CADM2: variants seen among roughly 807,000 people sequenced by gnomAD.
CADM2 encodes immunoglobulin superfamily member 4D.
CADM2 carries 12 observed loss-of-function variants against 49.8 expected under a neutral mutation model. That is an observed-to-expected ratio of 0.24 (90% CI 0.15 to 0.39). The LOEUF (loss-of-function observed/expected upper bound fraction) is 0.39. CADM2 is among the 10% of genes least tolerant of loss of function. The pLI is 1.00. For synonymous variants in CADM2, 214 were observed against 175.4 expected (o/e 1.22, Z -1.74); for missense variants, 378 against 492.3 (o/e 0.77, Z 2.20).
At chr3:85,209,837 T>C (rs1344097468) in intron 1 of CADM2, among the ~76,000 whole-genome samples, 1 of 152,166 alleles carries the variant, frequency 6.6e-6, no homozygotes, top group Admixed American at 6.5e-5. Context: ...CTTGTAATAA[T>C]GTTATAAAGC....
At chr3:85,323,696 C>A (rs936524229) in intron 1 of CADM2, among the ~76,000 whole-genome samples, 1 of 152,168 alleles carries the variant, frequency 6.6e-6, no homozygotes, top group Non-Finnish European at 1.5e-5. Flanking sequence ...CATATCAATT[C>A]TATTTCCAAT....
At position 85,552,849 on chromosome 3, in the gene CADM2, T is replaced by C. The variant is rs370415222; in HGVS notation, c.62-173673T>C. 2.6e-5 allele frequency among the ~76,000 whole-genome samples: 4 copies of C among 152,082 alleles called. No homozygotes were observed. In the East Asian group the frequency reaches 7.8e-4, roughly 29 times the overall value. On this transcript the variant is annotated intron_variant, in intron 1 of 9. Coordinates refer to ENST00000383699, the MANE Select transcript of CADM2 (RefSeq NM_001167675.2). Reference sequence around the variant, plus strand: ...GTGCCACCACGCCCAGCAAATTTTTTGTATTTTTAGTAGAGACAAGGATTT... The same window carrying C: ...GTGCCACCACGCCCAGCAAATTTTTCGTATTTTTAGTAGAGACAAGGATTT...
chr3:85,655,351 C>T (rs1314814414), intron 1 of CADM2, among the ~76,000 whole-genome samples: 1 of 151,904 alleles, frequency 6.6e-6, no homozygotes, highest in Non-Finnish European at 1.5e-5. Flanking sequence ...AGTAGAGATG[C>T]AGTTTCACCA....
chr3:86,036,388 G>A (rs1352519801), intron 8 of CADM2, among the ~76,000 whole-genome samples: 2 of 151,978 alleles, frequency 1.3e-5, no homozygotes, highest in African/African-American at 4.8e-5. Flanking sequence ...TGTGTCCTAG[G>A]CATCTTCCTG....
chr3:86,010,465 T>A (rs960064369), intron 8 of CADM2, among the ~76,000 whole-genome samples: 7 of 151,396 alleles, frequency 4.6e-5, no homozygotes, highest in African/African-American at 1.2e-4. Context: ...GAAGAAAAAA[T>A]TTTAATGGCA....
chr3:86,014,312 T>C, intron 8 of CADM2: 13 of 1,367,288 alleles, frequency 9.5e-6, no homozygotes, highest in Non-Finnish European at 1.3e-5. Context: ...TCCTATCTTT[T>C]ACAAGAGCCT....
chr3:85,915,500 A>G (rs1338304747), intron 6 of CADM2, among the ~76,000 whole-genome samples: 1 of 152,116 alleles, frequency 6.6e-6, no homozygotes, highest in Non-Finnish European at 1.5e-5. Context: ...TGGAAAGGAG[A>G]CATTGAGCAA....
chr3:85,465,638 T>C (rs2038458006), intron 1 of CADM2, among the ~76,000 whole-genome samples: 2 of 152,210 alleles, frequency 1.3e-5, no homozygotes, highest in South Asian at 4.1e-4. Flanking sequence ...TTTATCTTTG[T>C]CCAAAAAGAT....
rs371390760 is a variant in CADM2, at chr3:85,870,247, A to AT, written c.239-13032dup. Among the ~76,000 whole-genome samples, 340 of 146,120 alleles carry AT rather than the reference A, an allele frequency of 2.3e-3. 1 individual carries two copies. The highest frequency in any genetic ancestry group is 6.6e-3 in the African/African-American group (264 of 40,090). ...TAACTTTTTGTTGTTGTTGATGATG[A>AT]TTTTTTTTTTTTAACTTTTACTTTA... is the stretch of plus-strand genomic sequence containing the variant. On this transcript the variant is annotated intron_variant, in intron 3 of 9. Transcript: ENST00000383699.
intron 1 of CADM2, among the ~76,000 whole-genome samples, chr3:85,072,029 C>T (rs1436401678): frequency 6.6e-6 from 1 of 151,060 alleles, no homozygotes; most frequent in Non-Finnish European, 1.5e-5. Context: ...GCTTTCATAG[C>T]ATCATCTTCA....
intron 1 of CADM2, among the ~76,000 whole-genome samples, chr3:85,146,184 G>T (rs2039733159): frequency 6.6e-6 from 1 of 152,072 alleles, no homozygotes; most frequent in South Asian, 2.1e-4. Flanking sequence ...ACTAGACTTG[G>T]CATCAATGGA....
chr3:85,354,643 A>AGAGAG (rs71108278), intron 1 of CADM2, among the ~76,000 whole-genome samples: 1 of 149,106 alleles, frequency 6.7e-6, no homozygotes, highest in Admixed American at 6.7e-5. Context: ...AGAGAGAGAG[A>AGAGAG]AGCCTATTCT....
In CADM2 at chr3:85,806,703, C is replaced by T. The variant is rs371282780; in HGVS notation, c.238+4507C>T. 5.3e-5 allele frequency among the ~76,000 whole-genome samples: 8 copies of T among 152,168 alleles called. No homozygotes were observed. In the East Asian group the frequency reaches 1.2e-3, roughly 22 times the overall value. On this transcript the variant is annotated intron_variant, in intron 3 of 9. Coordinates refer to ENST00000383699, the MANE Select transcript of CADM2 (RefSeq NM_001167675.2). The stretch of plus-strand genomic sequence containing the variant: ...TGAGCTGAGATCGCGCTACTGCACT[C>T]CAGCCTGGGTGATAGAGTGAGGCTC...
At chr3:85,354,240 G>A (rs1436044454) in intron 1 of CADM2, among the ~76,000 whole-genome samples, 1 of 150,300 alleles carries the variant, frequency 6.7e-6, no homozygotes, top group East Asian at 2.0e-4. Flanking sequence ...GAATTTTGGA[G>A]AATCATTATT....
intron 1 of CADM2, among the ~76,000 whole-genome samples, chr3:85,204,044 G>T (rs1429304730): frequency 1.3e-5 from 2 of 152,154 alleles, no homozygotes; most frequent in Non-Finnish European, 2.9e-5. Flanking sequence ...GAAATAAAAA[G>T]TGATGGTTTC....
chr3:85,481,170 T>A (rs2039192752), intron 1 of CADM2, among the ~76,000 whole-genome samples: 1 of 150,424 alleles, frequency 6.6e-6, no homozygotes, highest in Admixed American at 6.7e-5. Flanking sequence ...AAGACATTAA[T>A]CTTTGAAATG....
At chr3:85,460,473 A>AG (rs2038194504) in intron 1 of CADM2, among the ~76,000 whole-genome samples, 1 of 152,154 alleles carries the variant, frequency 6.6e-6, no homozygotes, top group African/African-American at 2.4e-5. Context: ...GCATTTCAAA[A>AG]TGTAACTGAA....
At chr3:85,553,793 A>C (rs1221477166) in intron 1 of CADM2, among the ~76,000 whole-genome samples, 2 of 152,184 alleles carry the variant, frequency 1.3e-5, no homozygotes, top group Non-Finnish European at 2.9e-5. Context: ...AGACTTAAGA[A>C]AAGTATTACG....
chr3:85,842,377 C>G (rs555403908), intron 3 of CADM2, among the ~76,000 whole-genome samples: 2 of 152,224 alleles, frequency 1.3e-5, no homozygotes, highest in East Asian at 3.9e-4. Context: ...TTATATTTGC[C>G]TGTCTTCCTC....
Sources: allele counts gnomAD v4.1 joint callset (sites outside exome capture counted in the v4.1 genomes callset), GRCh38; gene constraint gnomAD v4.1.1; transcripts MANE v1.5; gene names NCBI Gene and HGNC (gene_info 2026-07-23, HGNC 2026-07-21).